Variants in PTPRG observed in about 807,000 individuals in gnomAD.
The protein encoded by PTPRG is receptor-type tyrosine-protein phosphatase gamma.
PTPRG carries 102 observed loss-of-function variants against 165.3 expected under a neutral mutation model. The ratio of observed to expected loss-of-function variants is 0.62; its 90% CI spans 0.53 to 0.73. PTPRG has a LOEUF of 0.73. Among genes scored for constraint, PTPRG ranks in the 30% least tolerant of loss-of-function variants. The pLI, the probability that PTPRG is intolerant of heterozygous loss-of-function variation, is 0.00. For missense variants in PTPRG, 1,866 were observed against 1,861.4 expected (o/e 1.00, Z -0.05); for synonymous variants, 675 against 669.5 (o/e 1.01, Z -0.13).
At chr3:61,767,608 A>G (rs961264448) in intron 2 of PTPRG, among the ~76,000 whole-genome samples, 2 of 152,244 alleles carry the variant, frequency 1.3e-5, no homozygotes, top group Non-Finnish European at 2.9e-5. Flanking sequence ...TAGAAAATAT[A>G]TACATTTTCA....
At chr3:61,593,553 A>C (rs1171116837) in intron 1 of PTPRG, among the ~76,000 whole-genome samples, 1 of 152,180 alleles carries the variant, frequency 6.6e-6, no homozygotes, top group Non-Finnish European at 1.5e-5. Context: ...TAGCTAAACA[A>C]AATGAACTGG....
chr3:61,960,520 G>C (rs577427784), intron 2 of PTPRG, among the ~76,000 whole-genome samples: 1 of 152,202 alleles, frequency 6.6e-6, no homozygotes, highest in African/African-American at 2.4e-5. Context: ...GTCTACTCTG[G>C]AGACTGAGCC....
intron 5 of PTPRG, among the ~76,000 whole-genome samples, chr3:62,110,089 C>CTTTTTTTTTT (rs371457716): frequency 5.0e-5 from 4 of 79,984 alleles, no homozygotes; most frequent in East Asian, 4.1e-4. Context: ...GAAATAATGG[C>CTTTTTTTTTT]TTTTTTTTTT....
intron 5 of PTPRG, 96 bp from the exon 6 acceptor site, chr3:62,132,506 C>T (rs372255585): frequency 4.1e-6 from 4 of 977,052 alleles, no homozygotes; most frequent in East Asian, 4.8e-5. Flanking sequence ...TGCTAGATAA[C>T]ATTCTATTCT....
chr3:61,743,128 C>G, intron 1 of PTPRG: 1 of 1,216,268 alleles, frequency 8.2e-7, no homozygotes, highest in Non-Finnish European at 1.2e-6. Context: ...CCGCGCTAAC[C>G]GGAAAAGAGC....
intron 2 of PTPRG, among the ~76,000 whole-genome samples, chr3:61,824,819 T>C (rs541749604): frequency 1.6e-4 from 24 of 152,340 alleles, no homozygotes; most frequent in South Asian, 4.1e-4. Flanking sequence ...TCCACAGTGA[T>C]GAAAATTTTG....
intron 4 of PTPRG, among the ~76,000 whole-genome samples, chr3:62,048,567 C>T (rs915272874): frequency 5.3e-5 from 8 of 152,214 alleles, no homozygotes; most frequent in African/African-American, 1.9e-4. Flanking sequence ...ACCAGAAGGG[C>T]AACCTTTTTT....
At chr3:61,842,932 C>T (rs1333644242) in intron 2 of PTPRG, among the ~76,000 whole-genome samples, 1 of 152,088 alleles carries the variant, frequency 6.6e-6, no homozygotes, top group East Asian at 1.9e-4. Flanking sequence ...GATTTGAGAG[C>T]CTATTACGGC....
intron 6 of PTPRG, among the ~76,000 whole-genome samples, chr3:62,150,485 C>T (rs1424414936): frequency 6.6e-6 from 1 of 152,316 alleles, no homozygotes; most frequent in Middle Eastern, 3.4e-3. Flanking sequence ...ACAAGCTTCC[C>T]AGATGATTTG....
intron 14 of PTPRG, among the ~76,000 whole-genome samples, chr3:62,236,277 T>C (rs958218851): frequency 5.9e-5 from 9 of 152,246 alleles, no homozygotes; most frequent in African/African-American, 1.9e-4. Flanking sequence ...TTTTCTTTTA[T>C]TGTTGTATTT....
chr3:61,901,622 T>G (rs2107522120), intron 2 of PTPRG, among the ~76,000 whole-genome samples: 1 of 152,314 alleles, frequency 6.6e-6, no homozygotes, highest in East Asian at 1.9e-4. Flanking sequence ...GTTCTTGTTT[T>G]GTACTGTCTA....
At chr3:61,591,453 T>C (rs1162042529) in intron 1 of PTPRG, among the ~76,000 whole-genome samples, 2 of 152,232 alleles carry the variant, frequency 1.3e-5, no homozygotes, top group African/African-American at 4.8e-5. Context: ...ACCTCCTATC[T>C]GCTGTGTCAC....
rs547776488 is a variant in PTPRG, at chr3:62,195,459, G to A, written c.1327+289G>A. Among the ~76,000 whole-genome samples, 1 of 152,136 alleles carries A rather than the reference G, an allele frequency of 6.6e-6. No homozygotes were observed. The highest frequency in any genetic ancestry group is 2.4e-5 in the African/African-American group (1 of 41,438). ...GCCTTTTTCTCGGTCACTGTCCAGC[G>A]CTGTGTCAGATCACACAATCACTTC... On this transcript the variant is annotated intron_variant, in intron 10 of 29. Coordinates refer to ENST00000474889, the MANE Select transcript of PTPRG (RefSeq NM_002841.4). The surrounding 1 kb of genome is among the most constrained non-coding windows in gnomAD (Gnocchi z 4.4).
At chr3:61,791,739 C>G (rs539735157) in intron 2 of PTPRG, among the ~76,000 whole-genome samples, 1 of 152,186 alleles carries the variant, frequency 6.6e-6, no homozygotes, top group Non-Finnish European at 1.5e-5. Flanking sequence ...CCGCCCATCT[C>G]GGCTTCCCAG....
intron 4 of PTPRG, among the ~76,000 whole-genome samples, chr3:62,074,655 T>G (rs1211672932): frequency 6.6e-6 from 1 of 152,166 alleles, no homozygotes; most frequent in Non-Finnish European, 1.5e-5. Context: ...AGATCTTTTC[T>G]TCAGCTTACG....
intron 15 of PTPRG, among the ~76,000 whole-genome samples, chr3:62,251,584 T>C (rs1427062213): frequency 6.6e-6 from 1 of 151,906 alleles, no homozygotes; most frequent in Admixed American, 6.6e-5. Context: ...GGCAGTGAGA[T>C]ACAATTGAGC....
chr3:62,146,021 A>G (rs183447789), intron 6 of PTPRG, among the ~76,000 whole-genome samples: 56 of 152,336 alleles, frequency 3.7e-4, no homozygotes, highest in African/African-American at 1.2e-3. Context: ...AAGGAAGCTA[A>G]AAGAATGTAC....
intron 4 of PTPRG, among the ~76,000 whole-genome samples, chr3:62,061,286 A>G (rs1039295298): frequency 6.6e-6 from 1 of 152,228 alleles, no homozygotes; most frequent in African/African-American, 2.4e-5. Flanking sequence ...AATTCAAGAC[A>G]AATTAGAAAA....
chr3:62,161,622 G>A (rs1423211111), intron 7 of PTPRG, among the ~76,000 whole-genome samples: 1 of 152,174 alleles, frequency 6.6e-6, no homozygotes, highest in Non-Finnish European at 1.5e-5. Flanking sequence ...ATCCAAGAGA[G>A]ATGGCTTTCT....
Sources: gnomAD v4.1 joint callset for allele counts (sites outside exome capture counted in the v4.1 genomes callset) on GRCh38, gnomAD v4.1.1 for gene constraint, Gnocchi (gnomAD v3.1) non-coding constraint, MANE v1.5 for transcripts, NCBI Gene and HGNC (gene_info 2026-07-23, HGNC 2026-07-21) for gene names.